The following SLC4A4 variants were observed in gnomAD, a reference collection of about 807,000 sequenced individuals.
SLC4A4 encodes the protein solute carrier family 4 member 4.
In SLC4A4, 27 loss-of-function variants were observed where a neutral mutation model predicts 111.5. The observed-to-expected ratio is 0.24, with a 90% CI of 0.18 to 0.33. The LOEUF (loss-of-function observed/expected upper bound fraction) is 0.33, where lower values mean the gene tolerates loss of function less well. Among genes scored for constraint, SLC4A4 ranks in the 10% least tolerant of loss-of-function variants. The pLI is 1.00. For missense variants in SLC4A4, 909 were observed against 1,315.5 expected (o/e 0.69, Z 4.78); for synonymous variants, 443 against 463.4 (o/e 0.96, Z 0.57).
At chr4:71,413,889 T>G (rs889321537) in intron 7 of SLC4A4, among the ~76,000 whole-genome samples, 2 of 152,098 alleles carry the variant, frequency 1.3e-5, no homozygotes, top group African/African-American at 4.8e-5. Context: ...GGTCTGTGCA[T>G]CTCTTCCCCC....
intron 14 of SLC4A4, among the ~76,000 whole-genome samples, chr4:71,478,243 C>T (rs1421164269): frequency 6.6e-6 from 1 of 151,918 alleles, no homozygotes; most frequent in African/African-American, 2.4e-5. Context: ...CCATTTGACC[C>T]AGCAATCCCG....
chr4:71,567,776 C>A lies in SLC4A4; in HGVS notation c.*37-12C>A. 1 of 1,347,892 alleles carries A rather than the reference C, an allele frequency of 7.4e-7. No individual in the cohort carries two copies. Among genetic ancestry groups the A allele is most frequent in the Non-Finnish European group, 1.0e-6 (1 of 991,212 alleles). 83.5% of individuals were successfully genotyped at this position (1,347,892 alleles called of 1,614,324 possible). On this transcript the variant is annotated splice_polypyrimidine_tract_variant and intron_variant, in intron 25 of 25. Transcript: ENST00000264485. The stretch of plus-strand genomic sequence containing the variant: ...GATTTACTTACTACTTTTTTTTTTC[C>A]TTTTTCTCTAGTCCTCCTAGAACTC...
intron 2 of SLC4A4, among the ~76,000 whole-genome samples, chr4:71,147,859 C>G (rs188799976): frequency 7.5e-4 from 114 of 152,234 alleles, no homozygotes; most frequent in African/African-American, 2.6e-3. Context: ...GGTAAATGTA[C>G]TAGTCTGGCC....
chr4:71,466,690 T>C (rs1727343975), intron 13 of SLC4A4, 113 bp downstream of exon 13: 1 of 1,129,916 alleles, frequency 8.9e-7, no homozygotes, highest in Non-Finnish European at 1.3e-6. Flanking sequence ...CTCAGAATAC[T>C]GGAATGTTCA....
chr4:71,380,775 T>C, intron 6 of SLC4A4, among the ~76,000 whole-genome samples: 1 of 152,224 alleles, frequency 6.6e-6, no homozygotes, highest in East Asian at 1.9e-4. Context: ...AGACTCCAGA[T>C]GGCACATTTC....
intron 2 of SLC4A4, among the ~76,000 whole-genome samples, chr4:71,241,672 T>G (rs1360295894): frequency 6.6e-6 from 1 of 152,192 alleles, no homozygotes; most frequent in Non-Finnish European, 1.5e-5. Flanking sequence ...GCTGACCTCT[T>G]CTCTGCTGTT....
chr4:71,345,881 T>G (rs1578883945), intron 4 of SLC4A4, among the ~76,000 whole-genome samples: 1 of 152,152 alleles, frequency 6.6e-6, no homozygotes, highest in Admixed American at 6.6e-5. Flanking sequence ...ATAGTGGATC[T>G]AGAATTTTAA....
At chr4:71,260,444 GA>G (rs1001070170) in intron 3 of SLC4A4, among the ~76,000 whole-genome samples, 2 of 152,034 alleles carry the variant, frequency 1.3e-5, no homozygotes, top group African/African-American at 4.8e-5. Context: ...ATATATAGGA[GA>G]AAAGGCTTTG....
intron 6 of SLC4A4, among the ~76,000 whole-genome samples, chr4:71,392,241 T>G (rs1719360034): frequency 6.6e-6 from 1 of 152,090 alleles, no homozygotes; most frequent in African/African-American, 2.4e-5. Flanking sequence ...ACAAAATTAT[T>G]TATTTGGTTG....
rs150456116 is a variant in SLC4A4 at position 71,218,216 on chromosome 4, G to A, written c.-1-18360G>A. ...AGAGGTCTGTGTTTATCCAAATAAT[G>A]GAGTTTTGAGATAATGAGAAAAGCA... On this transcript the variant is annotated intron_variant, in intron 1 of 25. Coordinates refer to ENST00000264485, the MANE Select transcript of SLC4A4 (RefSeq NM_001098484.3). 9.2e-5 allele frequency among the ~76,000 whole-genome samples: 14 copies of A among 152,270 alleles called. No individual in the cohort carries two copies. The East Asian group carries it at 2.3e-3, about 25-fold the overall frequency.
At position 71,339,419 on chromosome 4, in the gene SLC4A4, C is replaced by G. The variant is rs749479356; in HGVS notation, c.303C>G (p.Asp101Glu). The G allele has an allele frequency of 6.2e-7, 1 of 1,614,154 alleles. No homozygotes were observed. Among genetic ancestry groups the G allele is most frequent in the South Asian group, 1.1e-5 (1 of 91,082 alleles). ...GATTCATCTTGGGAGAGGAGGATGACAGCCCAGCTCCCCCTCAGCTCTTCA... is the reference window on the plus strand; with the variant it reads ...GATTCATCTTGGGAGAGGAGGATGAGAGCCCAGCTCCCCCTCAGCTCTTCA... Reference protein sequence around the residue: ...RIRFILGEEDDSPAPPQLFTE... With the variant: ...RIRFILGEEDESPAPPQLFTE... The change falls in exon 4 of 26, where the codon GAC (aspartate) becomes GAG (glutamate). Residue 101 changes from aspartate to glutamate, a missense_variant. Around this residue, in one of 7 missense-constraint regions of SLC4A4, gnomAD observed 117 missense variants for 154.2 expected, o/e 0.76. Coordinates refer to ENST00000264485, the MANE Select transcript of SLC4A4 (RefSeq NM_001098484.3).
Position 71,174,534 on chromosome 4 carries a change from C to G in SLC4A4, c.-1-62042C>G, listed in dbSNP as rs145917613. On this transcript the variant is annotated intron_variant, in intron 2 of 26. Coordinates refer to the SLC4A4 transcript ENST00000649996. ...AAGTGCTGGTATTACAGGGGTGAGC[C>G]ACCGCACCTGGCCCACACACCATTT... Among the ~76,000 whole-genome samples the G allele has an allele frequency of 4.2e-3, 633 of 152,190 alleles. 8 individuals are homozygous for G. Among genetic ancestry groups the G allele is most frequent in the African/African-American group, 0.014 (591 of 41,534 alleles).
chr4:71,452,938 T>A (rs1390392173), intron 11 of SLC4A4, among the ~76,000 whole-genome samples: 1 of 152,206 alleles, frequency 6.6e-6, no homozygotes, highest in African/African-American at 2.4e-5. Flanking sequence ...ATTTATTCAT[T>A]TATTGTCTGC....
intron 6 of SLC4A4, among the ~76,000 whole-genome samples, chr4:71,362,177 T>C (rs186682206): frequency 1.3e-5 from 2 of 152,202 alleles, no homozygotes; most frequent in East Asian, 3.9e-4. Context: ...CAGATTACCA[T>C]AAAGATCAGT....
chr4:71,162,312 A>G (rs1744636473), intron 2 of SLC4A4, among the ~76,000 whole-genome samples: 2 of 152,224 alleles, frequency 1.3e-5, no homozygotes, highest in Admixed American at 1.3e-4. Context: ...CCATGCTTTG[A>G]ATCCAGGGTG....
intron 1 of SLC4A4, among the ~76,000 whole-genome samples, chr4:71,085,671 C>T (rs1742143551): frequency 6.6e-6 from 1 of 151,950 alleles, no homozygotes; most frequent in South Asian, 2.1e-4. Context: ...GAATCCTTTC[C>T]CCATTGCTTG....
At chr4:71,314,082 A>C (rs565881234) in intron 3 of SLC4A4, among the ~76,000 whole-genome samples, 14 of 152,228 alleles carry the variant, frequency 9.2e-5, no homozygotes, top group African/African-American at 1.2e-4. Flanking sequence ...AGAAAAAAAA[A>C]CCAACAACCC....
chr4:71,346,067 A>G (rs899606914), intron 4 of SLC4A4, among the ~76,000 whole-genome samples: 3 of 152,034 alleles, frequency 2.0e-5, no homozygotes, highest in South Asian at 2.1e-4. Context: ...CTGATATGTT[A>G]TTAAGTTAGA....
intron 2 of SLC4A4, among the ~76,000 whole-genome samples, chr4:71,175,376 G>A (rs1468712226): frequency 2.0e-5 from 3 of 152,220 alleles, no homozygotes; most frequent in Non-Finnish European, 2.9e-5. Context: ...GAAGCAGGGC[G>A]AGGCATCGCC....
Sources: gnomAD v4.1 joint callset for allele counts (sites outside exome capture counted in the v4.1 genomes callset) on GRCh38, gnomAD v4.1.1 for gene constraint, gnomAD v4.1.1 regional missense constraint, MANE v1.5 for transcripts, NCBI Gene and HGNC (gene_info 2026-07-23, HGNC 2026-07-21) for gene names.